Variants in WASHC5 observed in about 807,000 individuals in gnomAD.
WASHC5 encodes the protein WASH complex subunit strumpellin.
In WASHC5, 101 loss-of-function variants were observed where a neutral mutation model predicts 150.4. The ratio of observed to expected loss-of-function variants is 0.67; its 90% CI spans 0.57 to 0.79. The LOEUF (loss-of-function observed/expected upper bound fraction) is 0.79. Ranked by LOEUF, WASHC5 falls within the 30% of genes least tolerant of loss-of-function variation. The pLI is 0.00. For missense variants in WASHC5, 1,195 were observed against 1,396.3 expected, an observed-to-expected ratio of 0.86 and a Z score of 2.30; for synonymous variants, 467 against 491.2, an observed-to-expected ratio of 0.95 and a Z score of 0.65.
intron 24 of WASHC5, 32 bp downstream of exon 24, chr8:125,039,763 C>T (rs1168167009): frequency 1.4e-6 from 2 of 1,420,184 alleles, no homozygotes; most frequent in Admixed American, 3.3e-5. Context: ...AATCCAAGCC[C>T]ACGGATGGCT....
chr8:125,072,625 T>C (rs1816933063), intron 9 of WASHC5, among the ~76,000 whole-genome samples: 1 of 152,086 alleles, frequency 6.6e-6, no homozygotes, highest in African/African-American at 2.4e-5. Flanking sequence ...CCTCCTGCCT[T>C]GGCCTCCCAA....
intron 2 of WASHC5, among the ~76,000 whole-genome samples, chr8:125,083,478 C>A (rs1485260301): frequency 6.6e-6 from 1 of 152,034 alleles, no homozygotes; most frequent in Non-Finnish European, 1.5e-5. Context: ...AAGTATGGGG[C>A]CCTTCAATGT....
intron 7 of WASHC5, among the ~76,000 whole-genome samples, chr8:125,076,145 T>A (rs1453695895): frequency 6.6e-6 from 1 of 152,130 alleles, no homozygotes; most frequent in Non-Finnish European, 1.5e-5. Context: ...AAAAGACTAG[T>A]GGGTTCTTCA....
At position 125,025,207 on chromosome 8, in the gene WASHC5, T is replaced by C. The variant is rs543728590; in HGVS notation, c.3424-534A>G. On this transcript the variant is annotated intron_variant, in intron 28 of 28. Transcript: ENST00000318410. ...GGCTCAGTTGGGTAGAATGTAGAGG[T>C]AGGTGATCTCCAAGTGCTGGAGATG... Among the ~76,000 whole-genome samples, 37 of 152,134 alleles carry C rather than the reference T, an allele frequency of 2.4e-4. No homozygotes were observed. The South Asian group carries it at 7.2e-3, about 30-fold the overall frequency.
rs938923248 is a variant in WASHC5, at chr8:125,076,549, C to T, written c.712-49G>A. 4.9e-5 allele frequency: 78 copies of T among 1,603,318 alleles called. No homozygotes were observed. The East Asian group carries it at 1.3e-3, about 27-fold the overall frequency. On this transcript the variant is annotated intron_variant, in intron 6 of 28. Coordinates refer to ENST00000318410, the MANE Select transcript of WASHC5 (RefSeq NM_014846.4). ...GAGAAAGCTGTTGGCAACATTTGCA[C>T]GTAGACATGCTCAAATTAAACTCTC...
At chr8:125,029,071 A>G (rs542908830) in intron 27 of WASHC5, among the ~76,000 whole-genome samples, 75 of 143,614 alleles carry the variant, frequency 5.2e-4, no homozygotes, top group Non-Finnish European at 9.4e-4. Flanking sequence ...TCACTCTTGT[A>G]GCCAGGCTGG....
chr8:125,064,391 T>A (rs1040165217), intron 10 of WASHC5, among the ~76,000 whole-genome samples: 10 of 143,012 alleles, frequency 7.0e-5, no homozygotes, highest in Admixed American at 1.4e-4. Context: ...ATTTATTTTT[T>A]TTTTTTTTGC....
At chr8:125,045,802 C>T (rs1002594139) in intron 20 of WASHC5, among the ~76,000 whole-genome samples, 1 of 152,146 alleles carries the variant, frequency 6.6e-6, no homozygotes, top group African/African-American at 2.4e-5. Context: ...TGGGGAGGCC[C>T]CCAATTCTGA....
intron 5 of WASHC5, 107 bp from the exon 6 acceptor site, chr8:125,079,037 G>A (rs931545647): frequency 2.2e-6 from 2 of 897,832 alleles, no homozygotes; most frequent in South Asian, 2.9e-5. Context: ...TATAGTTTCA[G>A]ATATGATCAC....
At position 125,076,556 on chromosome 8, in the gene WASHC5, A is replaced by G. The variant is rs943937045; in HGVS notation, c.712-56T>C. ...CTGTTGGCAACATTTGCACGTAGAC[A>G]TGCTCAAATTAAACTCTCTGGTTGT... On this transcript the variant is annotated intron_variant, in intron 6 of 28. Transcript: ENST00000318410. The G allele has an allele frequency of 6.3e-6, 10 of 1,598,928 alleles. No individual in the cohort carries two copies. In the African/African-American group the frequency reaches 1.1e-4, roughly 17 times the overall value.
chr8:125,037,105 A>G lies in WASHC5; in HGVS notation c.3181+132T>C. The G allele has an allele frequency of 3.0e-6, 2 of 675,482 alleles. 1 individual carries two copies. The highest frequency in any genetic ancestry group is 3.3e-5 in the South Asian group (2 of 60,888). 41.8% of individuals were successfully genotyped at this position (675,482 alleles called of 1,614,324 possible). A position where few individuals can be genotyped will look rare whatever the true frequency, so the allele number is the denominator to read the frequency against. ...TGTATTTCAAAGGCATAAAGACTCG[A>G]ATTTCATAAACATAAATTTAACTAA... is the stretch of plus-strand genomic sequence containing the variant. On this transcript the variant is annotated intron_variant, in intron 26 of 28. Transcript: ENST00000318410.
intron 28 of WASHC5, among the ~76,000 whole-genome samples, chr8:125,025,833 G>GACAGACAC (rs1554589284): frequency 6.8e-6 from 1 of 148,036 alleles, no homozygotes; most frequent in African/African-American, 2.5e-5. Context: ...TATGCAGACA[G>GACAGACAC]ACACACACAC....
rs550606164 is a variant in WASHC5 at position 125,028,934 on chromosome 8, G to A, written c.3336-227C>T. 9.9e-5 allele frequency among the ~76,000 whole-genome samples: 15 copies of A among 151,754 alleles called. No individual in the cohort carries two copies. The East Asian group carries it at 2.1e-3, about 22-fold the overall frequency. ...GCTTCTCTATACGGTTTCCATGGGCGTTTACAACACGATCCCTGCTATCTA... is the reference window on the plus strand; with the variant it reads ...GCTTCTCTATACGGTTTCCATGGGCATTTACAACACGATCCCTGCTATCTA... On this transcript the variant is annotated intron_variant, in intron 27 of 28. Transcript: ENST00000318410.
intron 10 of WASHC5, among the ~76,000 whole-genome samples, chr8:125,065,206 G>A (rs1054413219): frequency 2.0e-5 from 3 of 152,210 alleles, no homozygotes; most frequent in African/African-American, 7.2e-5. Flanking sequence ...AGGATAGTCA[G>A]AAAGTGACTC....
chr8:125,030,862 C>T (rs554916241), intron 27 of WASHC5, among the ~76,000 whole-genome samples: 58 of 152,192 alleles, frequency 3.8e-4, no homozygotes, highest in African/African-American at 1.3e-3. Context: ...CTCTAAACTG[C>T]AAGACATCGG....
In WASHC5 at chr8:125,039,792, T is replaced by C. The variant is rs766366067; in HGVS notation, c.2954+3A>G. ...GATGGCTGTTTCAAACCCTGGCACT[T>C]ACTTATTGAGATTCTCCAGAGCAGC... On this transcript the variant is annotated splice_donor_region_variant and intron_variant, in intron 24 of 28. Coordinates refer to ENST00000318410, the MANE Select transcript of WASHC5 (RefSeq NM_014846.4). 6.9e-6 allele frequency: 11 copies of C among 1,602,816 alleles called. No individual in the cohort carries two copies. Among genetic ancestry groups the C allele is most frequent in the South Asian group, 4.4e-5 (4 of 90,880 alleles).
intron 1 of WASHC5, among the ~76,000 whole-genome samples, chr8:125,089,213 C>T (rs1249035319): frequency 1.3e-5 from 2 of 152,102 alleles, no homozygotes; most frequent in Non-Finnish European, 2.9e-5. Flanking sequence ...AAATAATGGA[C>T]AGTGGGCAAA....
chr8:125,037,710 AAG>A (rs766719769), intron 25 of WASHC5, among the ~76,000 whole-genome samples: 2 of 151,728 alleles, frequency 1.3e-5, no homozygotes, highest in East Asian at 2.0e-4. Flanking sequence ...TGGGAGAGAG[AAG>A]AGAGAGAGAG....
intron 10 of WASHC5, among the ~76,000 whole-genome samples, chr8:125,064,017 C>G (rs1417026746): frequency 6.6e-6 from 1 of 152,146 alleles, no homozygotes; most frequent in Non-Finnish European, 1.5e-5. Context: ...CTCTATGGTT[C>G]CTTCTAGGCA....
Sources: allele counts gnomAD v4.1 joint callset (sites outside exome capture counted in the v4.1 genomes callset), GRCh38; gene constraint gnomAD v4.1.1; transcripts MANE v1.5; gene names NCBI Gene and HGNC (gene_info 2026-07-23, HGNC 2026-07-21).